Variants in PARD3B observed in about 807,000 individuals in gnomAD.
The protein encoded by PARD3B is partitioning defective 3 homolog B.
In PARD3B, 103 loss-of-function variants were observed where a neutral mutation model predicts 130.2. That is an observed-to-expected ratio of 0.79 (90% CI 0.67 to 0.93). The LOEUF (loss-of-function observed/expected upper bound fraction) is 0.93, where lower values mean the gene tolerates loss of function less well. Among genes scored for constraint, PARD3B ranks in the 40% least tolerant of loss-of-function variants. The pLI is 0.00. For missense variants in PARD3B, 1,609 were observed against 1,499.2 expected (o/e 1.07, Z -1.21); for synonymous variants, 583 against 553.2 (o/e 1.05, Z -0.76).
At chr2:204,755,298 A>C (rs2040620307) in intron 2 of PARD3B, among the ~76,000 whole-genome samples, 2 of 152,122 alleles carry the variant, frequency 1.3e-5, no homozygotes, top group Admixed American at 1.3e-4. Context: ...CTGACCCCCT[A>C]GTCACCTGTT....
At position 205,193,281 on chromosome 2, in the gene PARD3B, G is replaced by A. The variant is rs775357738; in HGVS notation, c.2101G>A (p.Glu701Lys). 3 of 1,613,464 alleles carry A rather than the reference G, an allele frequency of 1.9e-6. No homozygotes were observed. Among genetic ancestry groups the A allele is most frequent in the Non-Finnish European group, 2.5e-6 (3 of 1,179,424 alleles). ...ATCTGTGACACCGGCCAGGCAGCCT[G>A]AATCAATTAATTTGAAAGCCTCGAA... ...FRSVTPARQPESINLKASKSM... is the reference protein window; with the variant it reads ...FRSVTPARQPKSINLKASKSM... Residue 701 changes from glutamate to lysine, a missense_variant, in exon 15 of 23, where the codon GAA (glutamate) becomes AAA (lysine). Glu to Lys is a moderately conservative substitution (Grantham distance 56). Transcript: ENST00000406610.
At chr2:205,514,315 G>A (rs1441731814) in intron 21 of PARD3B, among the ~76,000 whole-genome samples, 2 of 152,064 alleles carry the variant, frequency 1.3e-5, no homozygotes, top group African/African-American at 4.8e-5. Flanking sequence ...CACATCCAAT[G>A]CAGGAACACA....
chr2:204,996,876 G>A (rs1348490163), intron 3 of PARD3B, among the ~76,000 whole-genome samples: 3 of 147,554 alleles, frequency 2.0e-5, no homozygotes, highest in Non-Finnish European at 4.5e-5. Flanking sequence ...TCTTTGACTC[G>A]AAAAGGGAAC....
chr2:205,322,021 T>C (rs755117922), intron 18 of PARD3B, among the ~76,000 whole-genome samples: 2 of 152,212 alleles, frequency 1.3e-5, no homozygotes, highest in African/African-American at 2.4e-5. Flanking sequence ...TCCTTAGAAA[T>C]TGAATACCAT....
chr2:205,406,774 G>A (rs762047710), intron 19 of PARD3B, among the ~76,000 whole-genome samples: 9 of 147,708 alleles, frequency 6.1e-5, no homozygotes, highest in African/African-American at 1.0e-4. Flanking sequence ...AGGTTCAAGC[G>A]ATTCTTCTGC....
chr2:204,767,187 C>T (rs1481146714), intron 2 of PARD3B, among the ~76,000 whole-genome samples: 1 of 60,268 alleles, frequency 1.7e-5, no homozygotes, highest in Non-Finnish European at 3.3e-5. Flanking sequence ...GTGTGATATT[C>T]CCCTTCCTGT....
At chr2:205,294,460 ATTTG>A (rs1390609851) in intron 16 of PARD3B, among the ~76,000 whole-genome samples, 10 of 152,122 alleles carry the variant, frequency 6.6e-5, no homozygotes, top group South Asian at 4.1e-4. Context: ...AATTTTGACT[ATTTG>A]TTTGTGAAAG....
intron 22 of PARD3B, among the ~76,000 whole-genome samples, chr2:205,557,422 T>G (rs1283141903): frequency 6.6e-6 from 1 of 152,156 alleles, no homozygotes. Flanking sequence ...TTTATGACCT[T>G]GAGGCATTCA....
In PARD3B at chr2:205,156,309, GC is replaced by G. The variant is rs1360034265; in HGVS notation, c.1435-2412del. Among the ~76,000 whole-genome samples, 58 of 150,784 alleles carry G rather than the reference GC, an allele frequency of 3.8e-4. 2 individuals carry two copies. In the East Asian group the frequency reaches 6.7e-3, roughly 17 times the overall value. On this transcript the variant is annotated intron_variant, in intron 10 of 22. Transcript: ENST00000406610. The stretch of plus-strand genomic sequence containing the variant: ...AATAGCATTAGGAGATATACCTAAT[GC>G]TAAATGACGAGTTAATGGGTGCAGC...
chr2:205,122,460 TTTTC>T lies in PARD3B; in HGVS notation c.1165+518_1165+521del, dbSNP rs1422665242. ...CCTAATTTCAAAAGCATGTATAATA[TTTTC>T]TTTCTTCATCTTTTTCAACTTTTCT... On this transcript the variant is annotated intron_variant, in intron 8 of 22. Transcript: ENST00000406610. The surrounding 1 kb of genome is among the most constrained non-coding windows in gnomAD (Gnocchi z 4.3). Among the ~76,000 whole-genome samples the T allele has an allele frequency of 6.6e-6, 1 of 152,200 alleles. No homozygotes were observed. Among genetic ancestry groups the T allele is most frequent in the Non-Finnish European group, 1.5e-5 (1 of 68,036 alleles).
intron 18 of PARD3B, among the ~76,000 whole-genome samples, chr2:205,310,513 C>T (rs574656369): frequency 4.5e-4 from 69 of 152,156 alleles, no homozygotes; most frequent in Admixed American, 4.5e-3. Flanking sequence ...AGCCTAGCCT[C>T]TGGTGACCAT....
intron 4 of PARD3B, among the ~76,000 whole-genome samples, chr2:205,071,097 G>T (rs1372430130): frequency 6.6e-6 from 1 of 152,014 alleles, no homozygotes; most frequent in Non-Finnish European, 1.5e-5. Flanking sequence ...TTTTTCTTTG[G>T]CTTCTTTCTT....
chr2:205,311,855 T>C (rs998035177), intron 18 of PARD3B, among the ~76,000 whole-genome samples: 2 of 152,184 alleles, frequency 1.3e-5, no homozygotes, highest in Admixed American at 6.5e-5. Flanking sequence ...AAAACAGTTT[T>C]TTGTTTTGTT....
chr2:205,087,713 A>C (rs1340650673), intron 4 of PARD3B, among the ~76,000 whole-genome samples: 1 of 152,212 alleles, frequency 6.6e-6, no homozygotes. Flanking sequence ...TGAATTGGGC[A>C]ATCAACCTGG....
intron 15 of PARD3B, among the ~76,000 whole-genome samples, chr2:205,215,212 T>C (rs186556178): frequency 1.3e-5 from 2 of 152,010 alleles, no homozygotes; most frequent in East Asian, 3.9e-4. Flanking sequence ...GGAGAAGATA[T>C]TTACTATGGA....
chr2:204,628,832 C>T (rs1439250813), intron 1 of PARD3B, among the ~76,000 whole-genome samples: 1 of 152,144 alleles, frequency 6.6e-6, no homozygotes, highest in Non-Finnish European at 1.5e-5. Flanking sequence ...TTAACATCCT[C>T]TCAGACAAAT....
rs2048516956 is a variant in PARD3B at position 205,463,401 on chromosome 2, G to T, written c.3044+22729G>T. Among the ~76,000 whole-genome samples, 1 of 142,276 alleles carries T rather than the reference G, an allele frequency of 7.0e-6. No individual in the cohort carries two copies. The highest frequency in any genetic ancestry group is 2.6e-5 in the African/African-American group (1 of 38,376). 93.3% of individuals were successfully genotyped at this position (142,276 alleles called of 152,430 possible). A position where few individuals can be genotyped will look rare whatever the true frequency, so the allele number is the denominator to read the frequency against. On this transcript the variant is annotated intron_variant, in intron 20 of 22. Coordinates refer to ENST00000406610, the MANE Select transcript of PARD3B (RefSeq NM_001302769.2). This position sits in a 1 kb window ranked among gnomAD's most constrained non-coding sequence, Gnocchi z 4.8. ...GCGGCCCTTCCAAAGGTGGCAGAAT[G>T]ATGTTAGTGTTAACATTTCACTGCA...
chr2:205,303,452 G>A (rs1332678836), intron 18 of PARD3B, among the ~76,000 whole-genome samples: 8 of 152,126 alleles, frequency 5.3e-5, no homozygotes, highest in South Asian at 4.2e-4. Context: ...TCCTTACCCC[G>A]GCTGGTAGAC....
intron 3 of PARD3B, among the ~76,000 whole-genome samples, chr2:205,017,553 T>C (rs1005251403): frequency 6.6e-6 from 1 of 152,178 alleles, no homozygotes; most frequent in Non-Finnish European, 1.5e-5. Context: ...CATTGTTTTC[T>C]ACTTCTGAGA....
Sources: allele counts gnomAD v4.1 joint callset (sites outside exome capture counted in the v4.1 genomes callset), GRCh38; gene constraint gnomAD v4.1.1; non-coding constraint Gnocchi (gnomAD v3.1); transcripts MANE v1.5; gene names NCBI Gene and HGNC (gene_info 2026-07-23, HGNC 2026-07-21).